Variants in ADAMTS20 observed in about 807,000 individuals in gnomAD.
ADAMTS20 encodes A disintegrin and metalloproteinase with thrombospondin motifs 20.
A neutral mutation model predicts 260.1 loss-of-function variants in ADAMTS20; 225 were observed. The ratio of observed to expected loss-of-function variants is 0.87; its 90% confidence interval spans 0.78 to 0.97. The LOEUF is 0.97. Ranked by LOEUF, ADAMTS20 falls within the 50% of genes least tolerant of loss-of-function variation. The pLI is 0.00. For missense variants in ADAMTS20, 2,400 were observed against 2,337.7 expected, an observed-to-expected ratio of 1.03 and a Z score of -0.55; for synonymous variants, 802 against 769.5, an observed-to-expected ratio of 1.04 and a Z score of -0.70.
intron 18 of ADAMTS20, among the ~76,000 whole-genome samples, chr12:43,436,804 T>G (rs1489210044): frequency 1.3e-5 from 2 of 152,188 alleles, no homozygotes; most frequent in African/African-American, 4.8e-5. Flanking sequence ...TGCCAACTTC[T>G]GTTATCCCGC....
chr12:43,395,359 A>G (rs993420004), intron 29 of ADAMTS20, among the ~76,000 whole-genome samples: 2 of 152,296 alleles, frequency 1.3e-5, no homozygotes, highest in Admixed American at 1.3e-4. Flanking sequence ...TATATGTCAG[A>G]AATTCTGAAA....
At chr12:43,450,537 T>C (rs1411545709) in intron 14 of ADAMTS20, among the ~76,000 whole-genome samples, 2 of 152,196 alleles carry the variant, frequency 1.3e-5, no homozygotes, top group Non-Finnish European at 2.9e-5. Flanking sequence ...ACCTTTTCAG[T>C]ATTTAAACTG....
intron 4 of ADAMTS20, among the ~76,000 whole-genome samples, chr12:43,499,199 A>G (rs943034152): frequency 9.9e-5 from 15 of 152,182 alleles, no homozygotes; most frequent in Admixed American, 3.3e-4. Context: ...ACTTTGCTGC[A>G]TCTATCTCCC....
chr12:43,497,653 A>C (rs1002517185), intron 4 of ADAMTS20, among the ~76,000 whole-genome samples: 2 of 152,232 alleles, frequency 1.3e-5, no homozygotes, highest in Admixed American at 6.5e-5. Context: ...TTTTATTTTA[A>C]TATAGTTAAA....
At chr12:43,429,817 C>T in intron 23 of ADAMTS20, 93 bp from the exon 24 acceptor site, 1 of 749,834 alleles carries the variant, frequency 1.3e-6, no homozygotes, top group Non-Finnish European at 2.1e-6. Flanking sequence ...GTCTCAAGAA[C>T]CGTTCCATAC....
At chr12:43,437,309 C>T (rs962634250) in intron 18 of ADAMTS20, among the ~76,000 whole-genome samples, 1 of 151,956 alleles carries the variant, frequency 6.6e-6, no homozygotes, top group Non-Finnish European at 1.5e-5. Flanking sequence ...GAACTAGTTT[C>T]CCAAAGATAA....
In ADAMTS20 at chr12:43,454,327, G is replaced by C. The variant is rs147284662; in HGVS notation, c.1615-275C>G. 4.1e-3 allele frequency among the ~76,000 whole-genome samples: 630 copies of C among 152,238 alleles called. 3 individuals carry two copies. The highest frequency in any genetic ancestry group is 6.2e-3 in the Non-Finnish European group (422 of 68,018). On this transcript the variant is annotated intron_variant, in intron 11 of 38. Coordinates refer to ENST00000389420, the MANE Select transcript of ADAMTS20 (RefSeq NM_025003.5). Reference sequence around the variant, plus strand: ...ATTAAATAGTAAAATGGAATATGGCGGGTATTTTTTGAATAGAAGAAACCA... The same window carrying C: ...ATTAAATAGTAAAATGGAATATGGCCGGTATTTTTTGAATAGAAGAAACCA...
chr12:43,373,716 G>A (rs1424644107), intron 36 of ADAMTS20, among the ~76,000 whole-genome samples: 1 of 112,036 alleles, frequency 8.9e-6, no homozygotes, highest in Non-Finnish European at 1.6e-5. Flanking sequence ...GTCTCGCTCT[G>A]TCGCCCAGGC....
At chr12:43,441,877 G>T (rs555902633) in intron 16 of ADAMTS20, among the ~76,000 whole-genome samples, 20 of 152,078 alleles carry the variant, frequency 1.3e-4, no homozygotes, top group African/African-American at 4.3e-4. Context: ...AAATAAATTT[G>T]GTGTTTCTGT....
At chr12:43,364,119 C>A (rs929794728) in intron 37 of ADAMTS20, among the ~76,000 whole-genome samples, 4 of 152,036 alleles carry the variant, frequency 2.6e-5, no homozygotes, top group African/African-American at 9.7e-5. Flanking sequence ...ACTGTGCCCA[C>A]TGAGGAGTAA....
intron 29 of ADAMTS20, among the ~76,000 whole-genome samples, chr12:43,392,478 T>C (rs1940616384): frequency 6.6e-6 from 1 of 152,122 alleles, no homozygotes; most frequent in African/African-American, 2.4e-5. Flanking sequence ...ATTTTCGATA[T>C]GAACCTCTTC....
chr12:43,498,026 T>C (rs559350969), intron 4 of ADAMTS20, among the ~76,000 whole-genome samples: 1 of 152,240 alleles, frequency 6.6e-6, no homozygotes, highest in South Asian at 2.1e-4. Context: ...ATAATGCATA[T>C]ATATATGCCA....
At chr12:43,545,109 C>T (rs945038435) in intron 2 of ADAMTS20, among the ~76,000 whole-genome samples, 2 of 152,138 alleles carry the variant, frequency 1.3e-5, no homozygotes, top group Non-Finnish European at 2.9e-5. Flanking sequence ...TCCATAGGTA[C>T]CCACTCTTCT....
At chr12:43,437,193 A>G (rs185048631) in intron 18 of ADAMTS20, among the ~76,000 whole-genome samples, 29 of 152,352 alleles carry the variant, frequency 1.9e-4, no homozygotes, top group Admixed American at 1.6e-3. Context: ...ATATGATAGA[A>G]GGTATTATAT....
rs1565573883 is a variant in ADAMTS20 at position 43,501,465 on chromosome 12, G to GCACACACACA, written c.867+686_867+687insTGTGTGTGTG. Among the ~76,000 whole-genome samples the GCACACACACA allele has an allele frequency of 1.4e-4, 5 of 34,900 alleles. No homozygotes were observed. In the East Asian group the frequency reaches 4.4e-3, roughly 31 times the overall value. 22.9% of individuals were successfully genotyped at this position (34,900 alleles called of 152,430 possible). On this transcript the variant is annotated intron_variant, in intron 4 of 38. Transcript: ENST00000389420. ...CCCAGGGTGGTGGAGGGGGATACGCGCGCGCGCGCGCGCGCGCACACACAC... is the reference window on the plus strand; with the variant it reads ...CCCAGGGTGGTGGAGGGGGATACGCGCACACACACACGCGCGCGCGCGCGCGCACACACAC...
intron 11 of ADAMTS20, among the ~76,000 whole-genome samples, chr12:43,457,006 G>A (rs1009813145): frequency 6.6e-6 from 1 of 152,176 alleles, no homozygotes; most frequent in Non-Finnish European, 1.5e-5. Flanking sequence ...GAATAAGAGA[G>A]CTGAACATAC....
chr12:43,483,155 G>T (rs1047843973), intron 7 of ADAMTS20, among the ~76,000 whole-genome samples: 1 of 152,174 alleles, frequency 6.6e-6, no homozygotes, highest in African/African-American at 2.4e-5. Flanking sequence ...TAGAGGACAG[G>T]TCACATCTCT....
In ADAMTS20 at chr12:43,455,570, G is replaced by A. The variant is rs370726500; in HGVS notation, c.1615-1518C>T. On this transcript the variant is annotated intron_variant, in intron 11 of 38. Coordinates refer to ENST00000389420, the MANE Select transcript of ADAMTS20 (RefSeq NM_025003.5). ...ATTATGCCCTAGTCTTATCAAACAG[G>A]CCCCATCTCCCAATACTGTTACACT... is the stretch of plus-strand genomic sequence containing the variant. Among the ~76,000 whole-genome samples the A allele has an allele frequency of 1.2e-4, 18 of 152,212 alleles. No homozygotes were observed. The South Asian group carries it at 3.5e-3, about 30-fold the overall frequency.
intron 7 of ADAMTS20, among the ~76,000 whole-genome samples, chr12:43,482,730 T>A (rs1942460640): frequency 6.6e-6 from 1 of 151,920 alleles, no homozygotes; most frequent in African/African-American, 2.4e-5. Context: ...CACTTGGGAG[T>A]TCCATGGCTC....
Sources: allele counts gnomAD v4.1 joint callset (sites outside exome capture counted in the v4.1 genomes callset), GRCh38; gene constraint gnomAD v4.1.1; transcripts MANE v1.5; gene names NCBI Gene and HGNC (gene_info 2026-07-23, HGNC 2026-07-21).